The following ESR1 variants were observed in gnomAD, a reference collection of about 807,000 sequenced individuals.
ESR1 encodes the protein estrogen receptor.
ESR1 carries 12 observed loss-of-function variants against 52.7 expected under a neutral mutation model. That is an observed-to-expected ratio of 0.23 (90% CI 0.15 to 0.37). The LOEUF (loss-of-function observed/expected upper bound fraction) is 0.37, where lower values mean the gene tolerates loss of function less well. Ranked by LOEUF, ESR1 falls within the 10% of genes least tolerant of loss-of-function variation. ESR1 has a pLI of 1.00. For missense variants in ESR1, 584 were observed against 779.7 expected, an observed-to-expected ratio of 0.75 and a Z score of 2.99; for synonymous variants, 305 against 316.8, an observed-to-expected ratio of 0.96 and a Z score of 0.39.
intron 3 of ESR1, among the ~76,000 whole-genome samples, chr6:151,939,147 A>G (rs1217678905): frequency 6.6e-6 from 1 of 152,196 alleles, no homozygotes; most frequent in Non-Finnish European, 1.5e-5. Context: ...ATGACAATGT[A>G]TCTTGTGTGT....
intron 3 of ESR1, among the ~76,000 whole-genome samples, chr6:151,928,833 G>A (rs1170784324): frequency 6.6e-6 from 1 of 151,922 alleles, no homozygotes; most frequent in Non-Finnish European, 1.5e-5. Flanking sequence ...TTCTTTAAAA[G>A]TGTGTTGTTC....
Position 151,829,175 on chromosome 6 carries a change from T to C in ESR1, c.453-13422T>C, listed in dbSNP as rs149946396. On this transcript the variant is annotated intron_variant, in intron 1 of 7. Transcript: ENST00000206249. The stretch of plus-strand genomic sequence containing the variant: ...CAGAATCACTCATATGCTGTTGGAC[T>C]CTTTCCAGCCATGTGTGCTAACCTA... Among the ~76,000 whole-genome samples the C allele has an allele frequency of 3.7e-3, 564 of 152,382 alleles. 2 individuals carry two copies. Among genetic ancestry groups the C allele is most frequent in the Non-Finnish European group, 6.5e-3 (442 of 68,034 alleles).
chr6:152,078,678 C>A (rs1234303134), intron 6 of ESR1, among the ~76,000 whole-genome samples: 1 of 152,158 alleles, frequency 6.6e-6, no homozygotes, highest in Non-Finnish European at 1.5e-5. Flanking sequence ...TGTCACCTCA[C>A]CCACAAAGTG....
At chr6:151,905,065 A>C (rs1011358854) in intron 3 of ESR1, among the ~76,000 whole-genome samples, 2 of 152,240 alleles carry the variant, frequency 1.3e-5, no homozygotes, top group Non-Finnish European at 2.9e-5. Context: ...ACAGCAGCAC[A>C]AACTCCAGTG....
chr6:151,920,556 A>G (rs1162488657), intron 3 of ESR1, among the ~76,000 whole-genome samples: 4 of 152,070 alleles, frequency 2.6e-5, no homozygotes, highest in Admixed American at 2.6e-4. Flanking sequence ...CCATCAGGAT[A>G]TGGTATGTAT....
chr6:151,880,181 G>T (rs370170722), intron 2 of ESR1, among the ~76,000 whole-genome samples: 25 of 116,330 alleles, frequency 2.1e-4, no homozygotes, highest in South Asian at 5.6e-4. Context: ...TTTTTGTTCT[G>T]TTTTTTTTTT....
chr6:152,096,737 A>G (rs745403359), intron 7 of ESR1: 2 of 455,362 alleles, frequency 4.4e-6, no homozygotes, highest in South Asian at 3.1e-5. Context: ...CAGAGTATAC[A>G]TTTCCAGTCT....
chr6:151,753,881 G>T (rs1244986929), intron 2 of ESR1, among the ~76,000 whole-genome samples: 1 of 152,112 alleles, frequency 6.6e-6, no homozygotes, highest in African/African-American at 2.4e-5. Flanking sequence ...CCTCTTGTGG[G>T]CCTGTTCCTA....
chr6:151,698,012 C>G (rs900364778), intron 1 of ESR1, among the ~76,000 whole-genome samples: 1 of 149,960 alleles, frequency 6.7e-6, no homozygotes, highest in African/African-American at 2.5e-5. Context: ...GCAAGAGAAT[C>G]GCTTGAACCG....
intron 3 of ESR1, among the ~76,000 whole-genome samples, chr6:151,924,335 C>T (rs2032294249): frequency 6.6e-6 from 1 of 152,198 alleles, no homozygotes; most frequent in South Asian, 2.1e-4. Context: ...GCCACGGCGT[C>T]CGGCCTGCAA....
chr6:151,973,719 G>A (rs2039143883), intron 4 of ESR1, among the ~76,000 whole-genome samples: 1 of 152,128 alleles, frequency 6.6e-6, no homozygotes, highest in African/African-American at 2.4e-5. Context: ...TCACAGGAGG[G>A]CCAATAAGTA....
chr6:151,920,835 T>C (rs2031504257), intron 3 of ESR1, among the ~76,000 whole-genome samples: 2 of 152,180 alleles, frequency 1.3e-5, no homozygotes, highest in Admixed American at 6.5e-5. Flanking sequence ...TGGCTTGAGA[T>C]AGTATTTGTC....
chr6:151,877,966 T>C (rs1385232138), intron 2 of ESR1, among the ~76,000 whole-genome samples: 2 of 152,092 alleles, frequency 1.3e-5, no homozygotes, highest in East Asian at 1.9e-4. Context: ...TGTGCCATCA[T>C]GCCAGGCTAA....
chr6:151,789,801 T>C (rs2128130512), intron 2 of ESR1, among the ~76,000 whole-genome samples: 1 of 152,328 alleles, frequency 6.6e-6, no homozygotes, highest in East Asian at 1.9e-4. Flanking sequence ...GCCCGCTGCC[T>C]GCAGTGTAAT....
chr6:151,805,816 G>C (rs1278424944), upstream of ESR1: 1 of 152,248 alleles, frequency 6.6e-6, no homozygotes, highest in African/African-American at 2.4e-5. Flanking sequence ...TCTTGATCCA[G>C]CAGGGTAGGC....
At chr6:151,763,448 A>G (rs1784807288) in intron 2 of ESR1, among the ~76,000 whole-genome samples, 1 of 152,248 alleles carries the variant, frequency 6.6e-6, no homozygotes, top group Non-Finnish European at 1.5e-5. Context: ...TGAAAATGAA[A>G]GCAAGGAATT....
intron 3 of ESR1, among the ~76,000 whole-genome samples, chr6:151,909,523 A>C (rs1797948857): frequency 6.6e-6 from 1 of 152,234 alleles, no homozygotes; most frequent in Non-Finnish European, 1.5e-5. Context: ...GAAAGTCTTC[A>C]GATGGCAGTG....
At chr6:151,748,321 T>C (rs1265165338) in intron 2 of ESR1, among the ~76,000 whole-genome samples, 1 of 152,212 alleles carries the variant, frequency 6.6e-6, no homozygotes, top group East Asian at 1.9e-4. Context: ...TCCCTAGATA[T>C]GTATTTGCAA....
chr6:151,863,002 AT>A (rs1233674821), intron 2 of ESR1, among the ~76,000 whole-genome samples: 1 of 152,204 alleles, frequency 6.6e-6, no homozygotes, highest in Non-Finnish European at 1.5e-5. Context: ...GCAGTACAAC[AT>A]TGTACATGAT....
Sources: gnomAD v4.1 joint callset for allele counts (sites outside exome capture counted in the v4.1 genomes callset) on GRCh38, gnomAD v4.1.1 for gene constraint, MANE v1.5 for transcripts, NCBI Gene and HGNC (gene_info 2026-07-23, HGNC 2026-07-21) for gene names.